Variants in WDR87 observed in about 807,000 individuals in gnomAD.
The protein encoded by WDR87 is WD repeat-containing protein 87.
WDR87 carries 56 observed loss-of-function variants against 83.3 expected under a neutral mutation model. The ratio of observed to expected loss-of-function variants is 0.67; its 90% CI spans 0.54 to 0.84. The LOEUF (loss-of-function observed/expected upper bound fraction) is 0.84. WDR87 is among the 40% of genes least tolerant of loss of function. The pLI is 0.00. For missense variants in WDR87, 2,939 were observed against 3,431.9 expected (o/e 0.86, Z 3.59); for synonymous variants, 1,173 against 1,250.6 (o/e 0.94, Z 1.31).
At chr19:37,897,233 A>C (rs1026693838) in intron 2 of WDR87, among the ~76,000 whole-genome samples, 3 of 134,978 alleles carry the variant, frequency 2.2e-5, no homozygotes, top group Non-Finnish European at 4.7e-5. Context: ...TTGAGACAAG[A>C]TCTCACTCTG....
rs1352303510 is a variant in WDR87, at chr19:37,885,688, T to C, written c.7983A>G (p.Gln2661=). 6 of 1,551,804 alleles carry C rather than the reference T, an allele frequency of 3.9e-6. No homozygotes were observed. Among genetic ancestry groups the C allele is most frequent in the East Asian group, 2.4e-5 (1 of 40,920 alleles). Residue 2661 remains glutamine, a synonymous_variant, in exon 6 of 6, where the codon CAA becomes CAG. Transcript: ENST00000447313. ...TCCTCTTGGTAGCTAATGGGGACTT[T>C]TGTGTGGGGACAGCCAAAGGTTTTG... The part of the protein sequence containing the change: ...SWPKPLAVPT[Q]KSPLATKRIP...
rs1244315984 is a variant in WDR87, at chr19:37,885,672, T to C, written c.7999A>G (p.Thr2667Ala). The C allele has an allele frequency of 6.4e-6, 10 of 1,551,696 alleles. No homozygotes were observed. Among genetic ancestry groups the C allele is most frequent in the Non-Finnish European group, 8.7e-6 (10 of 1,147,020 alleles). Residue 2667 changes from threonine (T) to alanine (A), a missense_variant, in exon 6 of 6, where the codon ACC becomes GCC. Coordinates refer to ENST00000447313, the MANE Select transcript of WDR87 (RefSeq NM_001291088.2). ...AVPTQKSPLATKRIPDPRAKN... is the reference protein window; with the variant it reads ...AVPTQKSPLAAKRIPDPRAKN... The stretch of plus-strand genomic sequence containing the variant: ...GCCCTTGGGTCTGGAATCCTCTTGG[T>C]AGCTAATGGGGACTTTTGTGTGGGG...
chr19:37,895,043 G>A lies in WDR87; in HGVS notation c.660C>T (p.Val220=). 6.4e-7 allele frequency: 1 copy of A among 1,551,666 alleles called. No individual in the cohort carries two copies. The highest frequency in any genetic ancestry group is 2.0e-5 in the Admixed American group (1 of 50,994). The change falls in exon 4 of 6, where the codon GTC becomes GTT. Residue 220 remains valine (V), a synonymous_variant. Transcript: ENST00000447313. The part of the protein sequence containing the change: ...LLALCETVVR[V]LMHQGKGQLG... ...GCTGGCCCTTGCCCTGGTGCATAAG[G>A]ACCCTCACCACCGTCTCACACAGGG...
At position 37,894,135 on chromosome 19, in the gene WDR87, G is replaced by A. The variant is rs2046232644; in HGVS notation, c.1568C>T (p.Ser523Phe). The A allele has an allele frequency of 6.4e-7, 1 of 1,552,234 alleles. No individual in the cohort carries two copies. Among genetic ancestry groups the A allele is most frequent in the Non-Finnish European group, 8.7e-7 (1 of 1,147,148 alleles). Reference sequence around the variant, plus strand: ...ATCCATTCCATAGGAACAGAGCAGAGAGTTTCCTTGGCCACCAAAAATCCC... The same window carrying A: ...ATCCATTCCATAGGAACAGAGCAGAAAGTTTCCTTGGCCACCAAAAATCCC... ...SGGIFGGQGN[S>F]LLCSYGMDDY... The change falls in exon 4 of 6, where the codon TCT (serine) becomes TTT (phenylalanine). Residue 523 changes from serine (S) to phenylalanine (F), a missense_variant. Physicochemically the swap from Ser to Phe is radical, Grantham distance 155. Around this residue, in one of 3 missense-constraint regions of WDR87, gnomAD observed 553 missense variants for 577.9 expected, o/e 0.96. Coordinates refer to ENST00000447313, the MANE Select transcript of WDR87 (RefSeq NM_001291088.2).
In WDR87 at chr19:37,885,212, G is replaced by GCA; in HGVS notation, c.8458_8459insTG (p.Pro2820LeufsTer13). ...TTCGTAGATGATCTCTTGGGGTTGA[G>GCA]GTTCCTCTCTCATTAGCAGCTCCTG... is the stretch of plus-strand genomic sequence containing the variant. On this transcript the variant is annotated frameshift_variant, in exon 6 of 6. Coordinates refer to ENST00000447313, the MANE Select transcript of WDR87 (RefSeq NM_001291088.2). LOFTEE classifies it low-confidence loss of function (END_TRUNC). 6.7e-7 allele frequency: 1 copy of GCA among 1,489,058 alleles called. No homozygotes were observed. The allele number at this position is 1,489,058 out of a possible 1,614,324, so 92.2% of individuals were successfully genotyped here.
At position 37,894,281 on chromosome 19, in the gene WDR87, C is replaced by T; in HGVS notation, c.1422G>A (p.Glu474=). 6.4e-7 allele frequency: 1 copy of T among 1,551,750 alleles called. No individual in the cohort carries two copies. Among genetic ancestry groups the T allele is most frequent in the Non-Finnish European group, 8.7e-7 (1 of 1,147,010 alleles). ...TCTGGTGCCCAGAGAATATCAGTCC[C>T]TCTAGACCCCGCCCCAAGTTGAAAT... ...YGHFNLGRGL[E]GLIFSGHQSG... The change falls in exon 4 of 6, where the codon GAG becomes GAA. Residue 474 remains glutamate (E), a synonymous_variant. Transcript: ENST00000447313.
Position 37,887,841 on chromosome 19 carries a change from T to G in WDR87, c.5830A>C (p.Lys1944Gln). 1 of 1,551,012 alleles carries G rather than the reference T, an allele frequency of 6.4e-7. No homozygotes were observed. The highest frequency in any genetic ancestry group is 1.4e-5 in the African/African-American group (1 of 73,024). ...LTQEKETVIK[K>Q]KEKLAETEKK... The stretch of plus-strand genomic sequence containing the variant: ...TCTGTTTCAGCCAGTTTCTCCTTCT[T>G]CTTGATCACAGTCTCCTTTTCCTGT... Residue 1944 changes from lysine (K) to glutamine (Q), a missense_variant, in exon 6 of 6, where the codon AAG becomes CAG. Lys to Gln is a moderately conservative substitution (Grantham distance 53). Transcript: ENST00000447313.
intron 5 of WDR87, among the ~76,000 whole-genome samples, chr19:37,890,746 G>A (rs1041769764): frequency 1.3e-5 from 2 of 152,044 alleles, no homozygotes; most frequent in Non-Finnish European, 2.9e-5. Context: ...GGCAACCACT[G>A]ATCTGCTTTC....
chr19:37,887,337 G>C lies in WDR87; in HGVS notation c.6334C>G (p.Leu2112Val). 1 of 1,551,550 alleles carries C rather than the reference G, an allele frequency of 6.4e-7. No homozygotes were observed. Among genetic ancestry groups the C allele is most frequent in the Non-Finnish European group, 8.7e-7 (1 of 1,146,948 alleles). Residue 2112 changes from leucine (L) to valine (V), a missense_variant, in exon 6 of 6, where the codon CTG becomes GTG. Physicochemically the swap from Leu to Val is conservative, Grantham distance 32 (BLOSUM62 1). This residue lies in a region of WDR87 where 2,160 missense variants were observed against 2,533.1 expected (regional missense o/e 0.85). Transcript: ENST00000447313. ...RESLSKEPAK[L>V]NKILKALQKL... is the part of the protein sequence containing the mutation. ...TGAAGTGCCTTTAAGATTTTGTTCA[G>C]TTTTGCTGGTTCCTTGGAAAGGCTC...
At chr19:37,896,396 A>T in intron 2 of WDR87, 88 bp from the exon 3 acceptor site, 1 of 1,417,912 alleles carries the variant, frequency 7.1e-7, no homozygotes, top group Non-Finnish European at 9.5e-7. Context: ...AGCAGTTCCC[A>T]AAGTCATGCT....
chr19:37,886,684 C>T lies in WDR87; in HGVS notation c.6987G>A (p.Lys2329=), dbSNP rs1247674976. 19 of 1,409,642 alleles carry T rather than the reference C, an allele frequency of 1.3e-5. No homozygotes were observed. The highest frequency in any genetic ancestry group is 4.5e-5 in the African/African-American group (3 of 66,310). 87.3% of individuals were successfully genotyped at this position (1,409,642 alleles called of 1,614,324 possible). Reference sequence around the variant, plus strand: ...CCTCCTCCTTCTTCTTTTCCTTTTTCTTCTTCTTCTTCTCCTCCTCTTCTT... The same window carrying T: ...CCTCCTCCTTCTTCTTTTCCTTTTTTTTCTTCTTCTTCTCCTCCTCTTCTT... ...VEKEEEEKKK[K]KKEKKKEEVQ... is the part of the protein sequence containing the mutation. The change falls in exon 6 of 6, where the codon AAG becomes AAA. Residue 2329 remains lysine, a synonymous_variant. Coordinates refer to ENST00000447313, the MANE Select transcript of WDR87 (RefSeq NM_001291088.2).
Position 37,894,293 on chromosome 19 carries a change from C to G in WDR87, c.1410G>C (p.Gly470=), listed in dbSNP as rs2145432263. Residue 470 remains glycine, a synonymous_variant, in exon 4 of 6, where the codon GGG becomes GGC. Transcript: ENST00000447313. ...QCLAYGHFNL[G]RGLEGLIFSG... is the part of the protein sequence containing the mutation. Reference sequence around the variant, plus strand: ...AGAATATCAGTCCCTCTAGACCCCGCCCCAAGTTGAAATGCCCATAAGCCA... The same window carrying G: ...AGAATATCAGTCCCTCTAGACCCCGGCCCAAGTTGAAATGCCCATAAGCCA... 1 of 1,551,742 alleles carries G rather than the reference C, an allele frequency of 6.4e-7. No individual in the cohort carries two copies. The highest frequency in any genetic ancestry group is 2.4e-5 in the East Asian group (1 of 40,920).
chr19:37,895,506 G>A (rs932436033), intron 3 of WDR87, 50 bp from the exon 4 acceptor site: 17 of 1,499,336 alleles, frequency 1.1e-5, no homozygotes, highest in Admixed American at 2.1e-5. Flanking sequence ...GGTGGTTCAT[G>A]CCTGTAATCC....
rs1483419260 is a variant in WDR87, at chr19:37,886,771, C to T, written c.6900G>A (p.Glu2300=). The change falls in exon 6 of 6, where the codon GAG becomes GAA. Residue 2300 remains glutamate, a synonymous_variant. Coordinates refer to ENST00000447313, the MANE Select transcript of WDR87 (RefSeq NM_001291088.2). ...REEEEEREEE[E]EREEEEERKE... ...TCCTTTCCTCCTCCTCCTCCCTTTCCTCCTCCTCCTCCCTTTCCTCTTCTT... is the reference window on the plus strand; with the variant it reads ...TCCTTTCCTCCTCCTCCTCCCTTTCTTCCTCCTCCTCCCTTTCCTCTTCTT... 5 of 1,483,246 alleles carry T rather than the reference C, an allele frequency of 3.4e-6. No homozygotes were observed. The highest frequency in any genetic ancestry group is 4.5e-6 in the Non-Finnish European group (5 of 1,099,430). The allele number at this position is 1,483,246 out of a possible 1,614,324, so 91.9% of individuals were successfully genotyped here.
rs570438766 is a variant in WDR87, at chr19:37,887,478, T to C, written c.6193A>G (p.Met2065Val). 197 of 1,551,876 alleles carry C rather than the reference T, an allele frequency of 1.3e-4. 1 individual carries two copies. The highest frequency in any genetic ancestry group is 1.2e-3 in the South Asian group (100 of 84,048). The change falls in exon 6 of 6, where the codon ATG (methionine) becomes GTG (valine). Residue 2065 changes from methionine to valine, a missense_variant. Around this residue, in one of 3 missense-constraint regions of WDR87, gnomAD observed 2,160 missense variants for 2,533.1 expected, o/e 0.85. Transcript: ENST00000447313. Reference sequence around the variant, plus strand: ...CCTTTGGCAATTTCGCTTTCCTCCATGGCCAATATCCTGTCTTCATGTAGC... The same window carrying C: ...CCTTTGGCAATTTCGCTTTCCTCCACGGCCAATATCCTGTCTTCATGTAGC... ...ILLHEDRILA[M>V]EESEIAKGKL...
chr19:37,889,668 T>A lies in WDR87; in HGVS notation c.4003A>T (p.Lys1335Ter). ...TCCTCAAGCAGAACCTTACTTTCTTTCTTCAATAGGGGGCAGATCTCCTGA... is the reference window on the plus strand; with the variant it reads ...TCCTCAAGCAGAACCTTACTTTCTTACTTCAATAGGGGGCAGATCTCCTGA... ...LFQEICPLLKKESKVLLEDLD... is the reference protein window; with the variant it reads ...LFQEICPLLK Residue 1335 changes from lysine to a stop codon, truncating the protein, a stop_gained, in exon 6 of 6, where the codon AAA becomes TAA. Transcript: ENST00000447313. LOFTEE classifies it low-confidence loss of function (END_TRUNC). 1 of 1,551,796 alleles carries A rather than the reference T, an allele frequency of 6.4e-7. No individual in the cohort carries two copies. Among genetic ancestry groups the A allele is most frequent in the Non-Finnish European group, 8.7e-7 (1 of 1,147,030 alleles).
chr19:37,886,477 G>A lies in WDR87; in HGVS notation c.7194C>T (p.Ser2398=), dbSNP rs1345038059. 6.6e-7 allele frequency: 1 copy of A among 1,519,646 alleles called. No individual in the cohort carries two copies. The highest frequency in any genetic ancestry group is 2.4e-5 in the Admixed American group (1 of 41,138). The allele number at this position is 1,519,646 out of a possible 1,614,324, so 94.1% of individuals were successfully genotyped here. ...AAAGGACTCTTTCCCTTCCTCTTAG[G>A]CTCTTTCTTCTTTGTTCTTGTAACT... ...QFKLQEQRRK[S]LRGRERVLSI... Residue 2398 remains serine, a synonymous_variant, in exon 6 of 6, where the codon AGC becomes AGT. Transcript: ENST00000447313.
intron 5 of WDR87, among the ~76,000 whole-genome samples, chr19:37,890,902 A>G (rs1358682231): frequency 1.3e-5 from 2 of 152,168 alleles, no homozygotes; most frequent in African/African-American, 2.4e-5. Context: ...TCACAGTAGT[A>G]TTTCAGTTTA....
At position 37,889,145 on chromosome 19, in the gene WDR87, A is replaced by T; in HGVS notation, c.4526T>A (p.Val1509Asp). 1 of 1,552,010 alleles carries T rather than the reference A, an allele frequency of 6.4e-7. No homozygotes were observed. The highest frequency in any genetic ancestry group is 1.4e-5 in the African/African-American group (1 of 73,034). Reference protein sequence around the residue: ...WKKAWDEWKQVHGETRKSWKA... With the variant: ...WKKAWDEWKQDHGETRKSWKA... ...CCAGGATTTCCTTGTCTCACCATGGACCTGTTTCCACTCATCCCAGGCCTT... is the reference window on the plus strand; with the variant it reads ...CCAGGATTTCCTTGTCTCACCATGGTCCTGTTTCCACTCATCCCAGGCCTT... The change falls in exon 6 of 6, where the codon GTC (valine) becomes GAC (aspartate). Residue 1509 changes from valine to aspartate, a missense_variant. By Grantham distance (152) the Val-to-Asp change is radical. Around this residue, in one of 3 missense-constraint regions of WDR87, gnomAD observed 2,160 missense variants for 2,533.1 expected, o/e 0.85. Transcript: ENST00000447313.
Sources: gnomAD v4.1 joint callset for allele counts (sites outside exome capture counted in the v4.1 genomes callset) on GRCh38, gnomAD v4.1.1 for gene constraint, gnomAD v4.1.1 regional missense constraint, MANE v1.5 for transcripts, NCBI Gene and HGNC (gene_info 2026-07-23, HGNC 2026-07-21) for gene names.